Variants in INVS observed in about 807,000 individuals in gnomAD.
INVS encodes inversin, also known as inversion of embryo turning homolog.
Under a neutral mutation model 108.8 loss-of-function variants are expected in INVS, and 86 were observed. The observed-to-expected ratio is 0.79, with a 90% CI of 0.66 to 0.95. The LOEUF (loss-of-function observed/expected upper bound fraction) is 0.95. Among genes scored for constraint, INVS ranks in the 40% least tolerant of loss-of-function variants. INVS has a pLI of 0.00. For missense variants in INVS, 1,169 were observed against 1,297.4 expected (o/e 0.90, Z 1.52); for synonymous variants, 455 against 473.5 (o/e 0.96, Z 0.51).
chr9:100,128,484 G>A (rs2118902546), intron 3 of INVS, among the ~76,000 whole-genome samples: 1 of 152,252 alleles, frequency 6.6e-6, no homozygotes, highest in East Asian at 1.9e-4. Context: ...AATTAAATCT[G>A]GGTACTGTGT....
intron 3 of INVS, among the ~76,000 whole-genome samples, chr9:100,181,084 C>T (rs1241768390): frequency 3.3e-5 from 5 of 152,164 alleles, no homozygotes; most frequent in Non-Finnish European, 7.3e-5. Flanking sequence ...AACACCCCTT[C>T]ATGCTAAAAA....
chr9:100,236,652 C>A (rs1386212384), intron 5 of INVS, among the ~76,000 whole-genome samples: 1 of 152,180 alleles, frequency 6.6e-6, no homozygotes, highest in Admixed American at 6.5e-5. Flanking sequence ...TGGAAGTCCA[C>A]TTCAGACCCT....
Position 100,301,150 on chromosome 9 carries a change from C to CATATA in INVS, c.*477_*478insTATAA. 1.7e-5 allele frequency: 2 copies of CATATA among 115,136 alleles called. No individual in the cohort carries two copies. Among genetic ancestry groups the CATATA allele is most frequent in the Non-Finnish European group, 1.5e-5 (1 of 65,126 alleles). The allele number at this position is 115,136 out of a possible 1,614,324, so 7.1% of individuals were successfully genotyped here. A position where few individuals can be genotyped will look rare whatever the true frequency, so the allele number is the denominator to read the frequency against. ...ATGCAACAAACTTATCACACACACA[C>CATATA]ACACACACACACACACACACACACA... On this transcript the variant is annotated 3_prime_UTR_variant, in exon 17 of 17. Coordinates refer to ENST00000262457, the MANE Select transcript of INVS (RefSeq NM_014425.5).
chr9:100,242,610 G>A lies in INVS; in HGVS notation c.837G>A (p.Lys279=). The change falls in exon 7 of 17, where the codon AAG becomes AAA. Residue 279 remains lysine, a synonymous_variant. Transcript: ENST00000262457. The stretch of plus-strand genomic sequence containing the variant: ...TCCATCTCCTTTTAGAAAGAAATAA[G>A]TCTGGAACTATCCCATCTGACAGCC... ...QIVHLLLERN[K]SGTIPSDSQG... The A allele has an allele frequency of 6.2e-7, 1 of 1,612,256 alleles. No individual in the cohort carries two copies. Among genetic ancestry groups the A allele is most frequent in the Non-Finnish European group, 8.5e-7 (1 of 1,178,470 alleles).
At chr9:100,199,996 T>TC (rs577351624) in intron 3 of INVS, among the ~76,000 whole-genome samples, 122 of 152,334 alleles carry the variant, frequency 8.0e-4, no homozygotes, top group Non-Finnish European at 1.7e-3. Context: ...AAACATTTTT[T>TC]CCTTGTCTTC....
At chr9:100,177,306 G>A (rs1026777213) in intron 3 of INVS, among the ~76,000 whole-genome samples, 1 of 152,192 alleles carries the variant, frequency 6.6e-6, no homozygotes, top group Admixed American at 6.6e-5. Context: ...GGGGGCTGAA[G>A]TCAGGGAGCC....
rs1335358722 is a variant in INVS at position 100,301,137 on chromosome 9, TATC to T, written c.*465_*467del. On this transcript the variant is annotated 3_prime_UTR_variant, in exon 17 of 17. Transcript: ENST00000262457. ...TTCCTGGCATCTAATGCAACAAACT[TATC>T]ACACACACACACACACACACACACA... The T allele has an allele frequency of 6.8e-6, 1 of 146,392 alleles. No individual in the cohort carries two copies. Among genetic ancestry groups the T allele is most frequent in the Non-Finnish European group, 1.2e-5 (1 of 80,978 alleles). 9.1% of individuals were successfully genotyped at this position (146,392 alleles called of 1,614,324 possible).
rs1833937004 is a variant in INVS, at chr9:100,300,596, T to TGAGAA, written c.3121_3125dup (p.Asn1042LysfsTer66). 6.2e-7 allele frequency: 1 copy of TGAGAA among 1,613,462 alleles called. No individual in the cohort carries two copies. Among genetic ancestry groups the TGAGAA allele is most frequent in the African/African-American group, 1.3e-5 (1 of 74,910 alleles). On this transcript the variant is annotated frameshift_variant, in exon 17 of 17. Transcript: ENST00000262457. LOFTEE classifies it high-confidence loss of function. The stretch of plus-strand genomic sequence containing the variant: ...GCAACCTACAGTGTATACATCTCCT[T>TGAGAA]GAGAACAGTGGAAGATCAAAGAACT...
chr9:100,184,975 G>A (rs1357844646), intron 3 of INVS, among the ~76,000 whole-genome samples: 1 of 152,142 alleles, frequency 6.6e-6, no homozygotes, highest in Non-Finnish European at 1.5e-5. Context: ...TGTAATGCAT[G>A]CCATAGATTT....
intron 3 of INVS, chr9:100,129,886 C>T (rs1167543404): frequency 4.4e-6 from 2 of 451,106 alleles, no homozygotes; most frequent in Non-Finnish European, 8.2e-6. Flanking sequence ...GTGGCTGGAA[C>T]TTGAAAGTCA....
chr9:100,268,862 C>G (rs1046283649), intron 11 of INVS, among the ~76,000 whole-genome samples: 2 of 152,128 alleles, frequency 1.3e-5, no homozygotes, highest in African/African-American at 4.8e-5. Flanking sequence ...CCCTGACTCC[C>G]AGATCAGCAT....
intron 5 of INVS, among the ~76,000 whole-genome samples, chr9:100,239,733 A>G (rs183561381): frequency 1.2e-4 from 18 of 152,202 alleles, no homozygotes; most frequent in Non-Finnish European, 2.5e-4. Flanking sequence ...GCATTTTGGG[A>G]GGCTGAGGTA....
intron 3 of INVS, among the ~76,000 whole-genome samples, chr9:100,182,904 A>C (rs1056847587): frequency 6.6e-6 from 1 of 152,248 alleles, no homozygotes; most frequent in African/African-American, 2.4e-5. Flanking sequence ...GACTGGATAA[A>C]GAAAATGTGG....
intron 3 of INVS, among the ~76,000 whole-genome samples, chr9:100,145,722 G>A (rs1384963650): frequency 6.6e-6 from 1 of 152,126 alleles, no homozygotes; most frequent in African/African-American, 2.4e-5. Flanking sequence ...CTGAAACGTG[G>A]GTGAGTAATC....
chr9:100,280,786 C>G (rs1833250679), intron 12 of INVS, among the ~76,000 whole-genome samples: 1 of 152,128 alleles, frequency 6.6e-6, no homozygotes, highest in South Asian at 2.1e-4. Flanking sequence ...GGACTAAACA[C>G]TACGTCGAAA....
Position 100,133,735 on chromosome 9 carries a change from G to A in INVS, c.273+7186G>A, listed in dbSNP as rs974335475. Among the ~76,000 whole-genome samples the A allele has an allele frequency of 9.2e-5, 12 of 130,516 alleles. 1 individual carries two copies. The East Asian group carries it at 2.7e-3, about 29-fold the overall frequency. 85.6% of individuals were successfully genotyped at this position (130,516 alleles called of 152,430 possible). On this transcript the variant is annotated intron_variant, in intron 3 of 16. Transcript: ENST00000262457. Reference sequence around the variant, plus strand: ...AATGTATATTGGTACATTCACTCTCGCAAACTATCTGACTATATCTGCCAA... The same window carrying A: ...AATGTATATTGGTACATTCACTCTCACAAACTATCTGACTATATCTGCCAA...
chr9:100,191,892 T>C (rs574203613), intron 3 of INVS, among the ~76,000 whole-genome samples: 2 of 152,328 alleles, frequency 1.3e-5, no homozygotes, highest in African/African-American at 2.4e-5. Flanking sequence ...GTAACTTTAA[T>C]GTTTACAGTT....
At chr9:100,176,048 G>C (rs1321886977) in intron 3 of INVS, 14 of 508,172 alleles carry the variant, frequency 2.8e-5, no homozygotes, top group Non-Finnish European at 1.1e-5. Flanking sequence ...GCAGCCTGAA[G>C]ATATGTAAAG....
chr9:100,149,269 A>G (rs1828733794), intron 3 of INVS, among the ~76,000 whole-genome samples: 1 of 152,176 alleles, frequency 6.6e-6, no homozygotes, highest in Admixed American at 6.5e-5. Flanking sequence ...GACTGTTGGT[A>G]TGCTTCCAAA....
Sources: gnomAD v4.1 joint callset for allele counts (sites outside exome capture counted in the v4.1 genomes callset) on GRCh38, gnomAD v4.1.1 for gene constraint, MANE v1.5 for transcripts, NCBI Gene and HGNC (gene_info 2026-07-23, HGNC 2026-07-21) for gene names.